GRID1: variants seen among roughly 807,000 people sequenced by gnomAD.
The protein encoded by GRID1 is glutamate receptor ionotropic, delta-1.
In GRID1, 28 loss-of-function variants were observed where a neutral mutation model predicts 98.0. That is an observed-to-expected ratio of 0.29 (90% CI 0.21 to 0.39). The LOEUF is 0.39. GRID1 is among the 10% of genes least tolerant of loss of function. The pLI is 1.00. For synonymous variants in GRID1, 553 were observed against 538.5 expected (o/e 1.03, Z -0.37); for missense variants, 1,111 against 1,340.5 (o/e 0.83, Z 2.67).
intron 4 of GRID1, among the ~76,000 whole-genome samples, chr10:86,091,164 T>G (rs1844141101): frequency 6.6e-6 from 1 of 152,166 alleles, no homozygotes; most frequent in Admixed American, 6.5e-5. Flanking sequence ...GGCACAAATC[T>G]GGTGTTCAGA....
chr10:86,156,245 G>A (rs760127021), intron 3 of GRID1, among the ~76,000 whole-genome samples: 2 of 152,192 alleles, frequency 1.3e-5, no homozygotes, highest in Non-Finnish European at 2.9e-5. Flanking sequence ...GCTCTTGTTT[G>A]GGGGAATGAC....
chr10:85,743,160 G>C (rs941975803), intron 8 of GRID1, among the ~76,000 whole-genome samples: 4 of 122,432 alleles, frequency 3.3e-5, no homozygotes, highest in African/African-American at 9.5e-5. Flanking sequence ...CCAGCTGCCC[G>C]CAAAAAGTAC....
In GRID1 at chr10:85,727,536, T is replaced by A. The variant is rs546756679; in HGVS notation, c.1533+319A>T. 3.2e-4 allele frequency among the ~76,000 whole-genome samples: 48 copies of A among 152,280 alleles called. No homozygotes were observed. The South Asian group carries it at 9.1e-3, about 29-fold the overall frequency. On this transcript the variant is annotated intron_variant, in intron 10 of 15. Coordinates refer to ENST00000327946, the MANE Select transcript of GRID1 (RefSeq NM_017551.3). ...ACTCATCAGTACCCCTGGTGGGAAC[T>A]AGGTTTCTGCTTCACCCTAAACGTA...
chr10:85,916,366 C>A lies in GRID1; in HGVS notation c.727-127G>T. On this transcript the variant is annotated intron_variant, in intron 4 of 15. Transcript: ENST00000327946. The surrounding 1 kb of genome is among the most constrained non-coding windows in gnomAD (Gnocchi z 4.0). ...ATATTTTCCTCACAAAACATGCCAT[C>A]CCCCTGGGGCCTGCTCTGGCTGCCT... 1.3e-6 allele frequency: 1 copy of A among 759,406 alleles called. No individual in the cohort carries two copies. Among genetic ancestry groups the A allele is most frequent in the Non-Finnish European group, 2.3e-6 (1 of 440,930 alleles). 47.0% of individuals were successfully genotyped at this position (759,406 alleles called of 1,614,324 possible).
intron 4 of GRID1, among the ~76,000 whole-genome samples, chr10:86,046,471 C>A (rs1843426124): frequency 6.6e-6 from 1 of 152,284 alleles, no homozygotes; most frequent in East Asian, 1.9e-4. Flanking sequence ...GGCTTGCCTG[C>A]CCTATATCAA....
rs1225164619 is a variant in GRID1 at position 86,167,428 on chromosome 10, C to T, written c.521-28404G>A. On this transcript the variant is annotated intron_variant, in intron 3 of 15. Coordinates refer to ENST00000327946, the MANE Select transcript of GRID1 (RefSeq NM_017551.3). ...CTCTGGAAGAGAACCAAGCATCTCC[C>T]CAGGAAGTAGAGGACAGATCCCATA... 2.0e-5 allele frequency among the ~76,000 whole-genome samples: 3 copies of T among 152,282 alleles called. No homozygotes were observed. In the East Asian group the frequency reaches 5.8e-4, roughly 30 times the overall value.
chr10:85,946,710 C>A (rs893367285), intron 4 of GRID1, among the ~76,000 whole-genome samples: 36 of 152,194 alleles, frequency 2.4e-4, no homozygotes, highest in African/African-American at 8.7e-4. Context: ...CAGTCTTGGG[C>A]GGCTCTGAGA....
At chr10:86,051,271 T>C (rs1434946932) in intron 4 of GRID1, among the ~76,000 whole-genome samples, 1 of 122,018 alleles carries the variant, frequency 8.2e-6, no homozygotes, top group South Asian at 2.5e-4. Flanking sequence ...GAAGAAAAGA[T>C]AAACTTCCAA....
chr10:86,079,675 C>G (rs1843936605), intron 4 of GRID1, among the ~76,000 whole-genome samples: 1 of 152,150 alleles, frequency 6.6e-6, no homozygotes, highest in Admixed American at 6.5e-5. Context: ...CTCTGGGCCT[C>G]CGTGTCCTCC....
chr10:85,601,662 G>C lies in GRID1; in HGVS notation c.*611C>G, dbSNP rs1842577783. ...CAGCGGTGACTAACTCGTCCCGCAA[G>C]ATCCAAGACAGGACAGGATAGCCCT... On this transcript the variant is annotated 3_prime_UTR_variant, in exon 16 of 16. Transcript: ENST00000327946. The C allele has an allele frequency of 6.6e-6, 1 of 152,412 alleles. No homozygotes were observed. The highest frequency in any genetic ancestry group is 6.5e-5 in the Admixed American group (1 of 15,284). The allele number at this position is 152,412 out of a possible 1,614,324, so 9.4% of individuals were successfully genotyped here. A position where few individuals can be genotyped will look rare whatever the true frequency, so the allele number is the denominator to read the frequency against.
chr10:86,230,610 C>A (rs1846436010), intron 2 of GRID1, among the ~76,000 whole-genome samples: 1 of 152,214 alleles, frequency 6.6e-6, no homozygotes, highest in South Asian at 2.1e-4. Flanking sequence ...CCCACTGTTC[C>A]CTGAACACAT....
intron 12 of GRID1, among the ~76,000 whole-genome samples, chr10:85,707,465 A>C (rs1470806424): frequency 2.0e-5 from 3 of 152,168 alleles, no homozygotes; most frequent in African/African-American, 7.2e-5. Flanking sequence ...AGGAAACAAC[A>C]GGTGCTGGAG....
chr10:86,279,424 T>TA (rs1564727219), intron 2 of GRID1, among the ~76,000 whole-genome samples: 1 of 152,156 alleles, frequency 6.6e-6, no homozygotes, highest in African/African-American at 2.4e-5. Context: ...AAAATGATAA[T>TA]ACATCACGAC....
intron 2 of GRID1, among the ~76,000 whole-genome samples, chr10:86,348,770 C>T (rs529977079): frequency 6.6e-6 from 1 of 152,240 alleles, no homozygotes; most frequent in Non-Finnish European, 1.5e-5. Flanking sequence ...AAGCATTCAC[C>T]AGTGCCGATC....
At chr10:85,967,142 T>G (rs1842347423) in intron 4 of GRID1, among the ~76,000 whole-genome samples, 1 of 152,234 alleles carries the variant, frequency 6.6e-6, no homozygotes, top group South Asian at 2.1e-4. Context: ...CTGCCATGAT[T>G]GTGAGGCCTC....
intron 4 of GRID1, among the ~76,000 whole-genome samples, chr10:85,986,944 C>T (rs760443798): frequency 4.6e-5 from 7 of 152,190 alleles, no homozygotes; most frequent in Non-Finnish European, 1.0e-4. Context: ...CCATCACAAC[C>T]ACTACAGCTC....
intron 4 of GRID1, among the ~76,000 whole-genome samples, chr10:86,115,933 C>T (rs570894372): frequency 6.6e-6 from 1 of 152,270 alleles, no homozygotes; most frequent in East Asian, 1.9e-4. Flanking sequence ...TTTAGATATA[C>T]ATATACCATT....
chr10:85,623,953 C>T (rs903697700), intron 13 of GRID1, among the ~76,000 whole-genome samples: 3 of 152,170 alleles, frequency 2.0e-5, no homozygotes, highest in African/African-American at 7.2e-5. Flanking sequence ...TGAACCCAGC[C>T]ATCTCCTTGC....
chr10:85,841,244 C>T (rs71384797), intron 8 of GRID1, among the ~76,000 whole-genome samples: 1 of 152,056 alleles, frequency 6.6e-6, no homozygotes, highest in African/African-American at 2.4e-5. Context: ...AGGGAAAATT[C>T]CCTCTTCAAT....
Sources: gnomAD v4.1 joint callset for allele counts (sites outside exome capture counted in the v4.1 genomes callset) on GRCh38, gnomAD v4.1.1 for gene constraint, Gnocchi (gnomAD v3.1) non-coding constraint, MANE v1.5 for transcripts, NCBI Gene and HGNC (gene_info 2026-07-23, HGNC 2026-07-21) for gene names.